Variants in AGAP5 observed in about 807,000 individuals in gnomAD.
AGAP5 encodes the protein ArfGAP with GTPase domain, ankyrin repeat and PH domain 5.
In AGAP5, 8 loss-of-function variants were observed where a neutral mutation model predicts 27.7. That is an observed-to-expected ratio of 0.29 (90% CI 0.17 to 0.52). AGAP5 has a LOEUF of 0.52. AGAP5 is among the 20% of genes least tolerant of loss of function. The pLI is 0.97. For synonymous variants in AGAP5, 111 were observed against 338.0 expected (o/e 0.33, Z 7.37); for missense variants, 285 against 880.8 (o/e 0.32, Z 8.56).
chr10:73,689,953 G>T (rs1301045932), intron 4 of AGAP5, among the ~76,000 whole-genome samples: 1 of 147,752 alleles, frequency 6.8e-6, no homozygotes, highest in East Asian at 2.0e-4. Context: ...GAGCCCCTCT[G>T]CCCGGCCAGC....
At chr10:73,691,295 A>C (rs1477646934) in intron 4 of AGAP5, among the ~76,000 whole-genome samples, 1 of 152,208 alleles carries the variant, frequency 6.6e-6, no homozygotes, top group East Asian at 1.9e-4. Flanking sequence ...CAGAGTCATA[A>C]TCATGTAAAT....
chr10:73,690,942 TA>T (rs1461858163), intron 4 of AGAP5, among the ~76,000 whole-genome samples: 1 of 152,102 alleles, frequency 6.6e-6, no homozygotes, highest in Non-Finnish European at 1.5e-5. Context: ...CAAACAAACA[TA>T]AAAAGCAACA....
chr10:73,675,943 T>A lies in AGAP5; in HGVS notation c.717A>T (p.Thr239=). 6.2e-7 allele frequency: 1 copy of A among 1,612,820 alleles called. No homozygotes were observed. Among genetic ancestry groups the A allele is most frequent in the African/African-American group, 1.3e-5 (1 of 74,638 alleles). ...TGGACCGCTTGCAAACGGGGGTGGG[T>A]GTGTTGGCAGTGGGAGGAACACTGA... ...PQFSVPPTAN[T]PTPVCKRSMR... Residue 239 remains threonine (T), a synonymous_variant, in exon 8 of 8, where the codon ACA becomes ACT. Transcript: ENST00000374094.
chr10:73,674,947 A>G lies in AGAP5; in HGVS notation c.1713T>C (p.Tyr571=). ...GTGGGGCCAGAAAGAGCTTCTCCTC[A>G]TATTTGGAACGGATCCACCGTTCCT... ...EEKERWIRSK[Y]EEKLFLAPLP... The change falls in exon 8 of 8, where the codon TAT becomes TAC. Residue 571 remains tyrosine (Y), a synonymous_variant. Transcript: ENST00000374094. 2 of 1,612,824 alleles carry G rather than the reference A, an allele frequency of 1.2e-6. No homozygotes were observed. Among genetic ancestry groups the G allele is most frequent in the Non-Finnish European group, 1.7e-6 (2 of 1,179,918 alleles).
At chr10:73,693,543 A>C (rs2082136451) in intron 3 of AGAP5, among the ~76,000 whole-genome samples, 1 of 151,798 alleles carries the variant, frequency 6.6e-6, no homozygotes, top group African/African-American at 2.4e-5. Flanking sequence ...TACCAAAAAT[A>C]CAGAAATTAG....
In AGAP5 at chr10:73,697,517, C is replaced by T; in HGVS notation, c.223+16G>A. 1 of 1,611,728 alleles carries T rather than the reference C, an allele frequency of 6.2e-7. No individual in the cohort carries two copies. Among genetic ancestry groups the T allele is most frequent in the East Asian group, 2.2e-5 (1 of 44,848 alleles). ...AGAGGCAAACCGAGGGTAGATGGCA[C>T]CTATCACCTCCTTACCTTCAGGCAT... On this transcript the variant is annotated intron_variant, in intron 1 of 7. Coordinates refer to ENST00000374094, the MANE Select transcript of AGAP5 (RefSeq NM_001144000.4).
At chr10:73,690,264 G>A (rs1003633344) in intron 4 of AGAP5, among the ~76,000 whole-genome samples, 16 of 152,258 alleles carry the variant, frequency 1.1e-4, no homozygotes, top group African/African-American at 3.6e-4. Context: ...TCTGTACTAA[G>A]AAAAGTTCTT....
intron 3 of AGAP5, among the ~76,000 whole-genome samples, chr10:73,693,616 T>C (rs559985780): frequency 6.6e-6 from 1 of 151,818 alleles, no homozygotes; most frequent in Non-Finnish European, 1.5e-5. Context: ...GGAGAATTGC[T>C]TGAACCTGGG....
intron 2 of AGAP5, 61 bp from the exon 3 acceptor site, chr10:73,694,865 C>T (rs1317595965): frequency 3.3e-5 from 52 of 1,596,684 alleles, no homozygotes; most frequent in African/African-American, 5.4e-5. Context: ...TTTATCAACT[C>T]GTTTATTCAA....
At chr10:73,695,627 A>G (rs548406541) in intron 2 of AGAP5, among the ~76,000 whole-genome samples, 15 of 152,196 alleles carry the variant, frequency 9.9e-5, no homozygotes, top group Non-Finnish European at 1.6e-4. Context: ...CAATCCTTAA[A>G]TATCTTGAAA....
Position 73,697,582 on chromosome 10 carries a change from A to C in AGAP5, c.174T>G (p.Val58=). 1.9e-6 allele frequency: 3 copies of C among 1,612,538 alleles called. No homozygotes were observed. The highest frequency in any genetic ancestry group is 1.7e-6 in the Non-Finnish European group (2 of 1,179,940). Reference sequence around the variant, plus strand: ...TGTGGTGCATGTGGAGGTCCTCACCAACTTCAACGGTCACCTCAGCAGGCT... The same window carrying C: ...TGTGGTGCATGTGGAGGTCCTCACCCACTTCAACGGTCACCTCAGCAGGCT... ...AVQPAEVTVE[V]GEDLHMHHIR... Residue 58 remains valine, a synonymous_variant, in exon 1 of 8, where the codon GTT becomes GTG. Transcript: ENST00000374094.
At chr10:73,681,901 T>C (rs2082027731) in intron 5 of AGAP5, 1 of 889,936 alleles carries the variant, frequency 1.1e-6, no homozygotes, top group Non-Finnish European at 1.3e-6. Context: ...TCCTCTCAAC[T>C]ATTGTTAAAA....
intron 4 of AGAP5, among the ~76,000 whole-genome samples, chr10:73,688,858 T>A (rs1171419642): frequency 6.6e-6 from 1 of 152,160 alleles, no homozygotes; most frequent in Non-Finnish European, 1.5e-5. Context: ...AACTAAAACC[T>A]GGTTGTAAAT....
At chr10:73,686,620 G>A (rs1294655564) in intron 4 of AGAP5, among the ~76,000 whole-genome samples, 2 of 152,102 alleles carry the variant, frequency 1.3e-5, no homozygotes, top group African/African-American at 2.4e-5. Context: ...CCACAGAGTG[G>A]GAGGAAATCT....
At chr10:73,683,493 G>A (rs2082041173) in intron 4 of AGAP5, among the ~76,000 whole-genome samples, 3 of 126,722 alleles carry the variant, frequency 2.4e-5, no homozygotes, top group South Asian at 2.7e-4. Context: ...ACGGAGTCTC[G>A]CTCTGTAGCC....
chr10:73,685,553 CTT>C (rs531865280), intron 4 of AGAP5, among the ~76,000 whole-genome samples: 7 of 139,234 alleles, frequency 5.0e-5, no homozygotes, highest in Non-Finnish European at 4.7e-5. Context: ...GGTGGATTAT[CTT>C]TTTTTTTTTT....
At chr10:73,683,399 AT>A (rs1162981189) in intron 4 of AGAP5, among the ~76,000 whole-genome samples, 2 of 120,232 alleles carry the variant, frequency 1.7e-5, no homozygotes, top group African/African-American at 3.0e-5. Flanking sequence ...GAGATTTCAT[AT>A]TTTTTTCTAC....
chr10:73,676,798 A>G (rs528721952), intron 6 of AGAP5, 28 bp from the exon 7 acceptor site: 1 of 995,438 alleles, frequency 1.0e-6, no homozygotes, highest in East Asian at 2.3e-5. Flanking sequence ...GCATTACTTC[A>G]AAAACTGTTA....
intron 4 of AGAP5, among the ~76,000 whole-genome samples, chr10:73,688,709 AAC>A (rs1298109649): frequency 6.6e-6 from 1 of 152,102 alleles, no homozygotes; most frequent in African/African-American, 2.4e-5. Flanking sequence ...GTAAAAAAGT[AAC>A]AGAGAAAATA....
Sources: gnomAD v4.1 joint callset for allele counts (sites outside exome capture counted in the v4.1 genomes callset) on GRCh38, gnomAD v4.1.1 for gene constraint, MANE v1.5 for transcripts, NCBI Gene and HGNC (gene_info 2026-07-23, HGNC 2026-07-21) for gene names.